Variants in CIRBP observed in about 807,000 individuals in gnomAD.
CIRBP encodes cold inducible RNA binding protein.
Under a neutral mutation model 22.3 loss-of-function variants are expected in CIRBP, and 11 were observed. The ratio of observed to expected loss-of-function variants is 0.49; its 90% confidence interval spans 0.31 to 0.82. CIRBP has a LOEUF of 0.82. Ranked by LOEUF, CIRBP falls within the 40% of genes least tolerant of loss-of-function variation. The pLI, the probability that CIRBP is intolerant of heterozygous loss-of-function variation, is 0.05. For synonymous variants in CIRBP, 216 were observed against 158.8 expected (o/e 1.36, Z -2.71); for missense variants, 456 against 402.7 (o/e 1.13, Z -1.13).
In CIRBP at chr19:1,271,968, G is replaced by A. The variant is rs192860791; in HGVS notation, c.432-13G>A. The A allele has an allele frequency of 5.1e-4, 820 of 1,601,402 alleles. 6 individuals carry two copies. In the South Asian group the frequency reaches 5.5e-3, roughly 11 times the overall value. The stretch of plus-strand genomic sequence containing the variant: ...GGGTACCTTCCGGTACTCAACGTTT[G>A]TCTGTCTTGCAGCCGGAGTCAGAGT... On this transcript the variant is annotated splice_polypyrimidine_tract_variant and intron_variant, in intron 5 of 5. Coordinates refer to ENST00000587896, the MANE Select transcript of CIRBP (RefSeq NM_001300829.2).
At chr19:1,270,488 C>G (rs145694298) in intron 1 of CIRBP, among the ~76,000 whole-genome samples, 1 of 152,134 alleles carries the variant, frequency 6.6e-6, no homozygotes, top group African/African-American at 2.4e-5. Context: ...TCCTAGGTGG[C>G]TGGGTGCGGT....
rs1294035604 is a variant in CIRBP at position 1,272,649 on chromosome 19, G to A, written c.*206G>A. On this transcript the variant is annotated 3_prime_UTR_variant, in exon 6 of 6. Coordinates refer to ENST00000587896, the MANE Select transcript of CIRBP (RefSeq NM_001300829.2). ...AGACTTTTCTTTTTAAGGAAGTGCTGTTTTTTTTTGAGGGTTTTCAAAACA... is the reference window on the plus strand; with the variant it reads ...AGACTTTTCTTTTTAAGGAAGTGCTATTTTTTTTTGAGGGTTTTCAAAACA... 4.8e-6 allele frequency: 2 copies of A among 418,004 alleles called. No individual in the cohort carries two copies. Among genetic ancestry groups the A allele is most frequent in the Admixed American group, 3.9e-5 (1 of 25,448 alleles). 25.9% of individuals were successfully genotyped at this position (418,004 alleles called of 1,614,324 possible).
rs1463705975 is a variant in CIRBP at position 1,271,124 on chromosome 19, T to C, written c.104-16T>C. ...TACAGCTGGGTGCTGACTGCAGACC[T>C]CTCTCCCCTGCACAGTGGTGGTTGT... is the stretch of plus-strand genomic sequence containing the variant. On this transcript the variant is annotated splice_polypyrimidine_tract_variant and intron_variant, in intron 2 of 5. Transcript: ENST00000587896. 30 of 1,612,296 alleles carry C rather than the reference T, an allele frequency of 1.9e-5. No individual in the cohort carries two copies. The highest frequency in any genetic ancestry group is 2.5e-5 in the Non-Finnish European group (30 of 1,178,502).
Position 1,274,153 on chromosome 19 carries a change from C to T in CIRBP, c.*1710C>T, listed in dbSNP as rs767513749. The T allele has an allele frequency of 2.5e-6, 1 of 394,568 alleles. No homozygotes were observed. Among genetic ancestry groups the T allele is most frequent in the Non-Finnish European group, 4.5e-6 (1 of 223,764 alleles). 24.4% of individuals were successfully genotyped at this position (394,568 alleles called of 1,614,324 possible). On this transcript the variant is annotated 3_prime_UTR_variant, in exon 6 of 6. Coordinates refer to ENST00000587896, the MANE Select transcript of CIRBP (RefSeq NM_001300829.2). ...CAGCTGCGCCAAGGTGCAGACCCGC[C>T]CTGGGCATGCTGGCCTGTGACGGAG...
Position 1,272,837 on chromosome 19 carries a change from C to T in CIRBP, c.*394C>T, listed in dbSNP as rs1435519628. 4 of 164,196 alleles carry T rather than the reference C, an allele frequency of 2.4e-5. No individual in the cohort carries two copies. The highest frequency in any genetic ancestry group is 3.3e-4 in the South Asian group (2 of 6,004). 10.2% of individuals were successfully genotyped at this position (164,196 alleles called of 1,614,324 possible). A position where few individuals can be genotyped will look rare whatever the true frequency, so the allele number is the denominator to read the frequency against. ...GGTGCCCCACTCACTTCTCTGAGATCGAACGGACTGTGAATCCGCTCTTTG... is the reference window on the plus strand; with the variant it reads ...GGTGCCCCACTCACTTCTCTGAGATTGAACGGACTGTGAATCCGCTCTTTG... On this transcript the variant is annotated 3_prime_UTR_variant, in exon 6 of 6. Coordinates refer to ENST00000587896, the MANE Select transcript of CIRBP (RefSeq NM_001300829.2).
At position 1,273,811 on chromosome 19, in the gene CIRBP, C is replaced by CT. The variant is rs906240064; in HGVS notation, c.*1378dup. ...TTCCTGTGACTGTTTTTTGTTTTTCCTTTTTTTTTTAACTTTGTTTTTGTT... is the reference window on the plus strand; with the variant it reads ...TTCCTGTGACTGTTTTTTGTTTTTCCTTTTTTTTTTTAACTTTGTTTTTGTT... On this transcript the variant is annotated 3_prime_UTR_variant, in exon 6 of 6. Transcript: ENST00000587896. 2.4e-3 allele frequency: 354 copies of CT among 149,266 alleles called. No individual in the cohort carries two copies. Among genetic ancestry groups the CT allele is most frequent in the African/African-American group, 6.0e-3 (245 of 40,558 alleles). The allele number at this position is 149,266 out of a possible 1,614,324, so 9.2% of individuals were successfully genotyped here.
At position 1,271,453 on chromosome 19, in the gene CIRBP, G is replaced by T. The variant is rs761116656; in HGVS notation, c.335G>T (p.Arg112Leu). ...TTCCGTGGGGGCCGAGGACGGGGCC[G>T]TGGGTTCTCTAGAGGTGAGTGCCAT... ...GFFRGGRGRGRGFSRGGGDRG... is the reference protein window; with the variant it reads ...GFFRGGRGRGLGFSRGGGDRG... The change falls in exon 4 of 6, where the codon CGT becomes CTT. Residue 112 changes from arginine (R) to leucine (L), a missense_variant. By Grantham distance (102) the Arg-to-Leu change is moderately radical. Transcript: ENST00000587896. 1.7e-5 allele frequency: 27 copies of T among 1,609,850 alleles called. No homozygotes were observed. The highest frequency in any genetic ancestry group is 2.3e-5 in the Non-Finnish European group (27 of 1,177,936).
Position 1,274,363 on chromosome 19 carries a change from C to A in CIRBP, c.*1920C>A. 2.5e-6 allele frequency: 1 copy of A among 401,154 alleles called. No homozygotes were observed. Among genetic ancestry groups the A allele is most frequent in the Non-Finnish European group, 4.4e-6 (1 of 226,318 alleles). The allele number at this position is 401,154 out of a possible 1,614,324, so 24.8% of individuals were successfully genotyped here. On this transcript the variant is annotated 3_prime_UTR_variant, in exon 6 of 6. Coordinates refer to ENST00000587896, the MANE Select transcript of CIRBP (RefSeq NM_001300829.2). ...GGTGGCCTGAGAGCAGCGATGACCT[C>A]TGGGGTCACTGTCCCAGGAGGGACT... is the stretch of plus-strand genomic sequence containing the variant.
At chr19:1,271,663 T>C in intron 5 of CIRBP, 31 bp downstream of exon 5, 1 of 1,363,860 alleles carries the variant, frequency 7.3e-7, no homozygotes, top group Non-Finnish European at 1.0e-6. Context: ...AGCACAGGGG[T>C]GGTTGCGGGA....
At position 1,271,604 on chromosome 19, in the gene CIRBP, T is replaced by C. The variant is rs1474361271; in HGVS notation, c.403T>C (p.Tyr135His). The change falls in exon 5 of 6, where the codon TAC becomes CAC. Residue 135 changes from tyrosine (Y) to histidine (H), a missense_variant. Transcript: ENST00000587896. ...CCGGTTCGAGTCCAGGAGTGGGGGC[T>C]ACGGAGGCTCCAGAGACTACTATAG... ...GNRFESRSGG[Y>H]GGSRDYYSSR... 2 of 1,547,242 alleles carry C rather than the reference T, an allele frequency of 1.3e-6. No homozygotes were observed. The highest frequency in any genetic ancestry group is 1.7e-6 in the Non-Finnish European group (2 of 1,143,702).
At chr19:1,270,059 C>T (rs1195228411) in intron 1 of CIRBP, 2 of 519,946 alleles carry the variant, frequency 3.8e-6, no homozygotes, top group Admixed American at 1.9e-5. Flanking sequence ...TGTGTCAGCA[C>T]TGACCGCCCC....
intron 5 of CIRBP, 173 bp downstream of exon 5, chr19:1,271,805 G>A (rs1051588607): frequency 1.7e-5 from 12 of 708,166 alleles, no homozygotes; most frequent in Non-Finnish European, 2.9e-5. Context: ...AGAAGCGGGA[G>A]GGCCTGGGGG....
At chr19:1,271,067 G>GC (rs745667108) in intron 2 of CIRBP, 31 bp downstream of exon 2, 9 of 1,610,826 alleles carry the variant, frequency 5.6e-6, no homozygotes, top group South Asian at 1.1e-5. Flanking sequence ...GCGGCCCTGG[G>GC]CGGGGGGGCT....
intron 5 of CIRBP, 36 bp from the exon 6 acceptor site, chr19:1,271,945 G>A (rs2081348368): frequency 1.9e-6 from 3 of 1,563,374 alleles, no homozygotes; most frequent in Non-Finnish European, 2.6e-6. Flanking sequence ...AAGTAGACGG[G>A]TACCTTCCGG....
At chr19:1,271,860 C>G (rs2081346654) in intron 5 of CIRBP, 121 bp from the exon 6 acceptor site, 1 of 877,070 alleles carries the variant, frequency 1.1e-6, no homozygotes, top group Non-Finnish European at 1.8e-6. Flanking sequence ...TGCTGCCCTG[C>G]TGGGGTCCTT....
chr19:1,271,923 G>C (rs987421199), intron 5 of CIRBP, 58 bp from the exon 6 acceptor site: 4 of 1,471,602 alleles, frequency 2.7e-6, no homozygotes, highest in Admixed American at 3.5e-5. Context: ...TCAGCCTGTT[G>C]TGGCAGAGCA....
intron 1 of CIRBP, chr19:1,269,878 C>A (rs767997861): frequency 1.9e-6 from 1 of 519,912 alleles, no homozygotes. Flanking sequence ...AAAGGACGGC[C>A]TCGTAAATCT....
At chr19:1,269,822 T>C in intron 1 of CIRBP, 1 of 518,074 alleles carries the variant, frequency 1.9e-6, no homozygotes, top group Non-Finnish European at 3.9e-6. Context: ...CGCTTTTGCT[T>C]ACCGAGCCTT....
Position 1,274,430 on chromosome 19 carries a change from G to T in CIRBP, c.*1987G>T, listed in dbSNP as rs999619526. 6 of 399,316 alleles carry T rather than the reference G, an allele frequency of 1.5e-5. No individual in the cohort carries two copies. In the Admixed American group the frequency reaches 2.6e-4, roughly 18 times the overall value. 24.7% of individuals were successfully genotyped at this position (399,316 alleles called of 1,614,324 possible). A position where few individuals can be genotyped will look rare whatever the true frequency, so the allele number is the denominator to read the frequency against. ...CTGGAGGCAGCCGCTTGCCCAGGAG[G>T]CTTGTCCCCTGTAAGTGCTTTCGGG... On this transcript the variant is annotated 3_prime_UTR_variant, in exon 6 of 6. Coordinates refer to ENST00000587896, the MANE Select transcript of CIRBP (RefSeq NM_001300829.2).
Sources: gnomAD v4.1 joint callset for allele counts (sites outside exome capture counted in the v4.1 genomes callset) on GRCh38, gnomAD v4.1.1 for gene constraint, MANE v1.5 for transcripts, NCBI Gene and HGNC (gene_info 2026-07-23, HGNC 2026-07-21) for gene names.